The following PTPRK variants were observed in gnomAD, a reference collection of about 807,000 sequenced individuals.
PTPRK encodes the protein protein tyrosine phosphatase receptor type K.
PTPRK carries 75 observed loss-of-function variants against 178.0 expected under a neutral mutation model. The ratio of observed to expected loss-of-function variants is 0.42; its 90% CI spans 0.35 to 0.51. PTPRK has a LOEUF of 0.51. Ranked by LOEUF, PTPRK falls within the 20% of genes least tolerant of loss-of-function variation. The pLI, the probability that PTPRK is intolerant of heterozygous loss-of-function variation, is 0.02. For missense variants in PTPRK, 1,441 were observed against 1,797.8 expected (o/e 0.80, Z 3.59); for synonymous variants, 637 against 620.6 (o/e 1.03, Z -0.39).
chr6:128,284,484 C>A (rs975663079), intron 3 of PTPRK, among the ~76,000 whole-genome samples: 1 of 152,138 alleles, frequency 6.6e-6, no homozygotes, highest in Non-Finnish European at 1.5e-5. Flanking sequence ...TTCTACAACT[C>A]GATCTCATGT....
chr6:128,193,131 G>C (rs1265906150), intron 6 of PTPRK, among the ~76,000 whole-genome samples: 1 of 151,652 alleles, frequency 6.6e-6, no homozygotes. Context: ...CACTCTGAAC[G>C]ATGTAGCAAG....
intron 5 of PTPRK, chr6:128,238,224 G>A (rs1044842965): frequency 1.3e-5 from 5 of 390,704 alleles, no homozygotes; most frequent in Non-Finnish European, 2.4e-5. Context: ...AAAAAGAGGT[G>A]AGGTAGGGGA....
intron 11 of PTPRK, among the ~76,000 whole-genome samples, chr6:128,072,961 T>C (rs754345585): frequency 6.6e-6 from 1 of 152,014 alleles, no homozygotes; most frequent in Non-Finnish European, 1.5e-5. Context: ...AACTCTAGGG[T>C]GGAAAAAACA....
intron 1 of PTPRK, among the ~76,000 whole-genome samples, chr6:128,404,773 C>T (rs557798851): frequency 6.6e-6 from 1 of 152,246 alleles, no homozygotes; most frequent in East Asian, 1.9e-4. Context: ...GTAAAAGGAA[C>T]ATGTTAGTGA....
At chr6:128,283,197 G>A (rs1197344004) in intron 3 of PTPRK, among the ~76,000 whole-genome samples, 1 of 152,108 alleles carries the variant, frequency 6.6e-6, no homozygotes, top group African/African-American at 2.4e-5. Context: ...AGTCCTTGGT[G>A]CACACTTGTC....
chr6:128,449,549 C>T (rs544276027), intron 1 of PTPRK, among the ~76,000 whole-genome samples: 1 of 152,048 alleles, frequency 6.6e-6, no homozygotes, highest in Admixed American at 6.6e-5. Context: ...AGTAGAAAAT[C>T]CTAGAAGAAA....
rs1814658944 is a variant in PTPRK, at chr6:128,242,554, T to C, written c.544A>G (p.Ile182Val). 6.2e-7 allele frequency: 1 copy of C among 1,613,112 alleles called. No individual in the cohort carries two copies. The highest frequency in any genetic ancestry group is 8.5e-7 in the Non-Finnish European group (1 of 1,179,604). The change falls in exon 4 of 30, where the codon ATT becomes GTT. Residue 182 changes from isoleucine (I) to valine (V), a missense_variant. This residue lies in a region of PTPRK where 945 missense variants were observed against 1,080.6 expected (regional missense o/e 0.87). Coordinates refer to ENST00000368226, the MANE Select transcript of PTPRK (RefSeq NM_002844.4). ...VSGGRSGYIA[I>V]DDIQVLSYPC... ...TAACTCAGTACTTGGATGTCATCAA[T>C]GGCAATATAACCACTTCTCCCTCCT...
chr6:128,061,437 G>T (rs1315266967), intron 13 of PTPRK, among the ~76,000 whole-genome samples: 1 of 152,016 alleles, frequency 6.6e-6, no homozygotes, highest in African/African-American at 2.4e-5. Flanking sequence ...ATTTTCCAGA[G>T]AACTAAGTTC....
At chr6:128,166,249 T>A (rs1029963852) in intron 7 of PTPRK, among the ~76,000 whole-genome samples, 10 of 151,232 alleles carry the variant, frequency 6.6e-5, no homozygotes, top group Non-Finnish European at 1.0e-4. Context: ...CAACAGAAAA[T>A]TTTTTTTTCT....
At position 128,323,686 on chromosome 6, in the gene PTPRK, T is replaced by C. The variant is rs9388628; in HGVS notation, c.224-1376A>G. ...TGACCGATTGCCACTGAGTGGTAGG[T>C]AGCCTCTGGTTGAGAGCTTTTGGGA... On this transcript the variant is annotated intron_variant, in intron 2 of 29. Transcript: ENST00000368226. Among the ~76,000 whole-genome samples, 252 of 152,280 alleles carry C rather than the reference T, an allele frequency of 1.7e-3. 1 individual carries two copies. The East Asian group carries it at 0.024, about 15-fold the overall frequency.
intron 1 of PTPRK, among the ~76,000 whole-genome samples, chr6:128,506,349 A>G (rs886970682): frequency 1.3e-5 from 2 of 152,160 alleles, no homozygotes; most frequent in Non-Finnish European, 2.9e-5. Flanking sequence ...ATATTTTATC[A>G]TCTGAGATTA....
At chr6:128,336,342 A>G (rs1021211033) in intron 2 of PTPRK, among the ~76,000 whole-genome samples, 7 of 152,122 alleles carry the variant, frequency 4.6e-5, no homozygotes, top group African/African-American at 1.7e-4. Flanking sequence ...CTAATTTTTT[A>G]AAGCTTCCCT....
intron 13 of PTPRK, among the ~76,000 whole-genome samples, chr6:128,055,430 T>G (rs1779725867): frequency 6.6e-6 from 1 of 152,172 alleles, no homozygotes; most frequent in African/African-American, 2.4e-5. Context: ...GTTGGATATA[T>G]TTTTTCTATT....
chr6:128,278,021 A>G (rs1041530119), intron 3 of PTPRK, among the ~76,000 whole-genome samples: 1 of 152,178 alleles, frequency 6.6e-6, no homozygotes, highest in Admixed American at 6.6e-5. Flanking sequence ...TATTGGTGAA[A>G]TTCTATTGAC....
At chr6:128,513,876 T>C (rs1421166887) in intron 1 of PTPRK, among the ~76,000 whole-genome samples, 1 of 152,194 alleles carries the variant, frequency 6.6e-6, no homozygotes, top group Non-Finnish European at 1.5e-5. Context: ...CATCAATCCC[T>C]GGGTGGGTAG....
intron 29 of PTPRK, among the ~76,000 whole-genome samples, chr6:127,971,719 AT>A (rs199707783): frequency 0.016 from 2,379 of 150,400 alleles, 65 homozygotes; most frequent in East Asian, 0.12. Context: ...TTAACCATAG[AT>A]TTTTTTTTTA....
intron 1 of PTPRK, among the ~76,000 whole-genome samples, chr6:128,513,056 T>C (rs376041017): frequency 1.3e-5 from 2 of 152,358 alleles, no homozygotes; most frequent in East Asian, 3.9e-4. Context: ...TAACCAAAAC[T>C]AGTCTTACTT....
chr6:128,325,632 G>A (rs897769631), intron 2 of PTPRK, among the ~76,000 whole-genome samples: 6 of 152,002 alleles, frequency 3.9e-5, no homozygotes, highest in East Asian at 3.9e-4. Flanking sequence ...ACCATCTCAC[G>A]CCAGTTAGAA....
chr6:128,101,550 G>C (rs1432720376), intron 7 of PTPRK, among the ~76,000 whole-genome samples: 1 of 151,822 alleles, frequency 6.6e-6, no homozygotes, highest in African/African-American at 2.4e-5. Context: ...TGAACTATTA[G>C]GAAATCTTGC....
Sources: gnomAD v4.1 joint callset for allele counts (sites outside exome capture counted in the v4.1 genomes callset) on GRCh38, gnomAD v4.1.1 for gene constraint, gnomAD v4.1.1 regional missense constraint, MANE v1.5 for transcripts, NCBI Gene and HGNC (gene_info 2026-07-23, HGNC 2026-07-21) for gene names.